The following RANBP3 variants were observed in gnomAD, a reference collection of about 807,000 sequenced individuals.
RANBP3 encodes RAN binding protein 3.
A neutral mutation model predicts 77.3 loss-of-function variants in RANBP3; 14 were observed. The ratio of observed to expected loss-of-function variants is 0.18; its 90% CI spans 0.12 to 0.28. The LOEUF (loss-of-function observed/expected upper bound fraction) is 0.28. RANBP3 is among the 10% of genes least tolerant of loss of function. The pLI is 1.00. For missense variants in RANBP3, 586 were observed against 752.3 expected, an observed-to-expected ratio of 0.78 and a Z score of 2.59; for synonymous variants, 315 against 312.4, an observed-to-expected ratio of 1.01 and a Z score of -0.09.
At chr19:5,962,009 A>C (rs1402762688) in intron 1 of RANBP3, among the ~76,000 whole-genome samples, 1 of 151,968 alleles carries the variant, frequency 6.6e-6, no homozygotes, top group African/African-American at 2.4e-5. Context: ...GGAAGCTCCC[A>C]CTGTGAGAGG....
chr19:5,968,968 G>A (rs1002071549), intron 1 of RANBP3, among the ~76,000 whole-genome samples: 8 of 152,182 alleles, frequency 5.3e-5, no homozygotes, highest in African/African-American at 1.4e-4. Flanking sequence ...GGGAGAGAGT[G>A]AGTGAATGGG....
intron 1 of RANBP3, among the ~76,000 whole-genome samples, chr19:5,975,845 A>C (rs2058584303): frequency 6.6e-6 from 1 of 151,832 alleles, no homozygotes; most frequent in Non-Finnish European, 1.5e-5. Context: ...AATCAGCAGG[A>C]GAAAAGGCTA....
At chr19:5,934,697 G>A (rs1187664420) in intron 5 of RANBP3, among the ~76,000 whole-genome samples, 1 of 152,142 alleles carries the variant, frequency 6.6e-6, no homozygotes, top group Non-Finnish European at 1.5e-5. Context: ...AGCCAGGCAT[G>A]GTGGTACATG....
chr19:5,936,007 G>C (rs1178222018), intron 5 of RANBP3, among the ~76,000 whole-genome samples: 2 of 152,206 alleles, frequency 1.3e-5, no homozygotes, highest in Admixed American at 1.3e-4. Flanking sequence ...TGCCCTCCTG[G>C]GAAGCTGGCA....
chr19:5,939,753 A>G (rs1033901108), intron 5 of RANBP3, among the ~76,000 whole-genome samples: 1 of 30,004 alleles, frequency 3.3e-5, no homozygotes, highest in African/African-American at 2.8e-4. Context: ...CGAGAACAGC[A>G]AACCCCAAGA....
chr19:5,930,794 C>T (rs939205923), intron 8 of RANBP3, among the ~76,000 whole-genome samples: 3 of 152,166 alleles, frequency 2.0e-5, no homozygotes, highest in African/African-American at 7.2e-5. Context: ...GTTTTGAACT[C>T]CTGGCCTCAA....
intron 1 of RANBP3, among the ~76,000 whole-genome samples, chr19:5,967,553 C>T (rs1410349704): frequency 6.6e-6 from 1 of 152,184 alleles, no homozygotes; most frequent in African/African-American, 2.4e-5. Flanking sequence ...CCACTCCACC[C>T]CATGAGGGCC....
chr19:5,925,312 G>A, intron 10 of RANBP3: 1 of 504,768 alleles, frequency 2.0e-6, no homozygotes, highest in Non-Finnish European at 3.6e-6. Context: ...GTCGCCTCTG[G>A]CCTGCTCTGT....
chr19:5,943,825 T>C (rs946292292), intron 3 of RANBP3, among the ~76,000 whole-genome samples: 2 of 152,182 alleles, frequency 1.3e-5, no homozygotes, highest in African/African-American at 4.8e-5. Context: ...TGGGTTCTAT[T>C]AGTCACTGGG....
rs2058007062 is a variant in RANBP3 at position 5,932,516 on chromosome 19, C to T, written c.501G>A (p.Gln167=). Residue 167 remains glutamine (Q), a synonymous_variant, in exon 7 of 17, where the codon CAG becomes CAA. Transcript: ENST00000340578. The part of the protein sequence containing the change: ...AGLPSQKPKE[Q]QRSVLRPAVL... ...CTGCCGGGCGAAGCACGCTCCGCTG[C>T]TGCTCCTTGGGCTTCTGGCTTGGCA... 3 of 1,613,854 alleles carry T rather than the reference C, an allele frequency of 1.9e-6. No homozygotes were observed. The highest frequency in any genetic ancestry group is 2.5e-6 in the Non-Finnish European group (3 of 1,180,020).
chr19:5,967,840 G>C (rs2058485720), intron 1 of RANBP3, among the ~76,000 whole-genome samples: 3 of 152,138 alleles, frequency 2.0e-5, no homozygotes, highest in Admixed American at 1.3e-4. Context: ...GGGCAACATG[G>C]TGAAATCGTG....
intron 6 of RANBP3, 55 bp from the exon 7 acceptor site, chr19:5,932,599 C>T (rs766077411): frequency 6.5e-5 from 95 of 1,453,222 alleles, no homozygotes; most frequent in Non-Finnish European, 7.1e-5. Flanking sequence ...TGCCCCCAGG[C>T]GCTTCAGAGA....
chr19:5,926,074 G>A (rs112871596), intron 9 of RANBP3, among the ~76,000 whole-genome samples: 14 of 152,244 alleles, frequency 9.2e-5, no homozygotes, highest in Middle Eastern at 3.4e-3. Flanking sequence ...CAAAGCTGAC[G>A]TTTTGGGGGG....
chr19:5,975,446 T>C (rs1488071720), intron 1 of RANBP3, among the ~76,000 whole-genome samples: 1 of 152,048 alleles, frequency 6.6e-6, no homozygotes, highest in African/African-American at 2.4e-5. Flanking sequence ...CAAGCCATAA[T>C]TTCCCCTTTG....
chr19:5,924,392 C>T lies in RANBP3; in HGVS notation c.996+435G>A, dbSNP rs368633633. Among the ~76,000 whole-genome samples the T allele has an allele frequency of 9.3e-4, 142 of 152,360 alleles. 1 individual carries two copies. Among genetic ancestry groups the T allele is most frequent in the African/African-American group, 3.2e-3 (132 of 41,578 alleles). On this transcript the variant is annotated intron_variant, in intron 11 of 16. Coordinates refer to ENST00000340578, the MANE Select transcript of RANBP3 (RefSeq NM_007322.3). This position sits in a 1 kb window ranked among gnomAD's most constrained non-coding sequence, Gnocchi z 4.7. ...CCCAGGCTGGCTGGGCTCCTGGGAACGGAGATGGGCCTTTCGTGCACCCAA... is the reference window on the plus strand; with the variant it reads ...CCCAGGCTGGCTGGGCTCCTGGGAATGGAGATGGGCCTTTCGTGCACCCAA...
At chr19:5,935,938 G>A in intron 5 of RANBP3, 1 of 391,948 alleles carries the variant, frequency 2.6e-6, no homozygotes, top group Middle Eastern at 3.7e-4. Flanking sequence ...TGCTGCACCA[G>A]TCTCTGAGGG....
At chr19:5,967,873 T>C (rs535860450) in intron 1 of RANBP3, among the ~76,000 whole-genome samples, 258 of 152,014 alleles carry the variant, frequency 1.7e-3, no homozygotes, top group South Asian at 4.4e-3. Flanking sequence ...ATACAAAAAT[T>C]AGCTGGGCCT....
intron 1 of RANBP3, among the ~76,000 whole-genome samples, chr19:5,960,011 C>A (rs1206319091): frequency 6.6e-6 from 1 of 152,152 alleles, no homozygotes; most frequent in Non-Finnish European, 1.5e-5. Context: ...ACACATGGCA[C>A]ATGAACAAGG....
intron 1 of RANBP3, among the ~76,000 whole-genome samples, chr19:5,964,694 G>A (rs1016210041): frequency 1.3e-5 from 2 of 152,084 alleles, no homozygotes; most frequent in Admixed American, 1.3e-4. Context: ...CACATGACCG[G>A]GAAGCACACG....
Sources: gnomAD v4.1 joint callset for allele counts (sites outside exome capture counted in the v4.1 genomes callset) on GRCh38, gnomAD v4.1.1 for gene constraint, Gnocchi (gnomAD v3.1) non-coding constraint, MANE v1.5 for transcripts, NCBI Gene and HGNC (gene_info 2026-07-23, HGNC 2026-07-21) for gene names.